Variants in CBLL1 observed in about 807,000 individuals in gnomAD.
The protein encoded by CBLL1 is Cbl proto-oncogene like 1.
CBLL1 carries 4 observed loss-of-function variants against 44.9 expected under a neutral mutation model. That is an observed-to-expected ratio of 0.09 (90% CI 0.04 to 0.20). The LOEUF is 0.20. CBLL1 is among the 10% of genes least tolerant of loss of function. The pLI is 1.00. For missense variants in CBLL1, 569 were observed against 636.7 expected, an observed-to-expected ratio of 0.89 and a Z score of 1.14; for synonymous variants, 235 against 202.2, an observed-to-expected ratio of 1.16 and a Z score of -1.38.
In CBLL1 at chr7:107,759,298, G is replaced by A. The variant is rs1793671592; in HGVS notation, c.*120G>A. ...TTATCGAGGTAGTATAAAACACATAGGGTCTTGTTTCTTAAAATGGTTTTA... is the reference window on the plus strand; with the variant it reads ...TTATCGAGGTAGTATAAAACACATAAGGTCTTGTTTCTTAAAATGGTTTTA... On this transcript the variant is annotated 3_prime_UTR_variant, in exon 6 of 6. Coordinates refer to ENST00000440859, the MANE Select transcript of CBLL1 (RefSeq NM_024814.4). The A allele has an allele frequency of 1.1e-5, 9 of 832,126 alleles. No homozygotes were observed. Among genetic ancestry groups the A allele is most frequent in the Middle Eastern group, 3.6e-4 (1 of 2,742 alleles). 51.5% of individuals were successfully genotyped at this position (832,126 alleles called of 1,614,324 possible).
Position 107,758,296 on chromosome 7 carries a change from C to A in CBLL1, c.594C>A (p.Thr198=), listed in dbSNP as rs753955659. 60 of 1,613,976 alleles carry A rather than the reference C, an allele frequency of 3.7e-5. No individual in the cohort carries two copies. The highest frequency in any genetic ancestry group is 4.9e-5 in the Non-Finnish European group (58 of 1,180,012). Residue 198 remains threonine (T), a synonymous_variant, in exon 6 of 6, where the codon ACC becomes ACA. Transcript: ENST00000440859. This position sits in a 1 kb window ranked among gnomAD's most constrained non-coding sequence, Gnocchi z 4.2. The part of the protein sequence containing the change: ...HRHMRAGKPV[T]RASLENVHPP... Reference sequence around the variant, plus strand: ...ATATGAGAGCTGGAAAACCTGTTACCCGTGCTTCACTTGAAAATGTTCATC... The same window carrying A: ...ATATGAGAGCTGGAAAACCTGTTACACGTGCTTCACTTGAAAATGTTCATC...
chr7:107,751,492 C>T (rs1293370380), intron 2 of CBLL1, among the ~76,000 whole-genome samples: 2 of 152,192 alleles, frequency 1.3e-5, no homozygotes, highest in East Asian at 1.9e-4. Context: ...GCTTTAGTTA[C>T]AACATATGTT....
At chr7:107,755,353 A>AT in intron 4 of CBLL1, 65 bp from the exon 5 acceptor site, 1 of 751,668 alleles carries the variant, frequency 1.3e-6, no homozygotes, top group Non-Finnish European at 1.9e-6. Flanking sequence ...AGGTTACTAT[A>AT]TATATATATT....
chr7:107,757,063 C>T (rs1423305182), intron 5 of CBLL1, among the ~76,000 whole-genome samples: 1 of 152,086 alleles, frequency 6.6e-6, no homozygotes, highest in African/African-American at 2.4e-5. Flanking sequence ...TAAGGAGTGC[C>T]AGCCTTATAG....
rs759217860 is a variant in CBLL1, at chr7:107,753,915, G to A, written c.303G>A (p.Lys101=). The change falls in exon 4 of 6, where the codon AAG becomes AAA. Residue 101 remains lysine (K), a synonymous_variant. Transcript: ENST00000440859. ...AACAGATAAACATCTTAGGTGAAAA[G>A]GATGATACACCAGTTCATTTCTGTG... ...WDFQINILGE[K]DDTPVHFCDK... is the part of the protein sequence containing the mutation. The A allele has an allele frequency of 1.3e-6, 2 of 1,592,464 alleles. No individual in the cohort carries two copies. The highest frequency in any genetic ancestry group is 1.1e-5 in the South Asian group (1 of 88,362).
chr7:107,752,597 G>C (rs1274754089), intron 2 of CBLL1: 1 of 1,288,358 alleles, frequency 7.8e-7, no homozygotes, highest in Non-Finnish European at 1.0e-6. Context: ...GGATATATTT[G>C]TCTGCTCAGC....
At chr7:107,752,896 T>C (rs527671833) in intron 2 of CBLL1, among the ~76,000 whole-genome samples, 1 of 152,364 alleles carries the variant, frequency 6.6e-6, no homozygotes, top group African/African-American at 2.4e-5. Flanking sequence ...TCACTCATTT[T>C]AGGGCTAAAG....
chr7:107,745,327 A>G (rs1449749461), intron 1 of CBLL1, among the ~76,000 whole-genome samples: 2 of 152,200 alleles, frequency 1.3e-5, no homozygotes. Context: ...GATCTGATGG[A>G]TGAGAAGAAC....
At chr7:107,754,074 T>C in intron 4 of CBLL1, 96 bp downstream of exon 4, 1 of 592,198 alleles carries the variant, frequency 1.7e-6, no homozygotes, top group South Asian at 3.6e-5. Flanking sequence ...ATGACTAAGT[T>C]TGCAAAATTT....
In CBLL1 at chr7:107,761,063, C is replaced by T. The variant is rs962652340; in HGVS notation, c.*1885C>T. On this transcript the variant is annotated 3_prime_UTR_variant, in exon 6 of 6. Transcript: ENST00000440859. ...TATCATATTACTGTAGGTACTTGGA[C>T]TGGTGCAAACTTGATTCCTTTTCAT... The T allele has an allele frequency of 6.6e-6, 1 of 152,168 alleles. No homozygotes were observed. Among genetic ancestry groups the T allele is most frequent in the African/African-American group, 2.4e-5 (1 of 41,430 alleles). 9.4% of individuals were successfully genotyped at this position (152,168 alleles called of 1,614,324 possible).
chr7:107,749,272 G>A (rs1793161975), intron 2 of CBLL1: 2 of 343,938 alleles, frequency 5.8e-6, no homozygotes, highest in East Asian at 9.2e-5. Context: ...CCATTGTTCA[G>A]TAATCTCAAC....
chr7:107,754,605 A>G lies in CBLL1; in HGVS notation c.366+627A>G, dbSNP rs558786708. On this transcript the variant is annotated intron_variant, in intron 4 of 5. Transcript: ENST00000440859. Reference sequence around the variant, plus strand: ...CTTTGCTGAACATCATAGTAAAGAAATAGTAACAGGCTGTGAATTTAAAAA... The same window carrying G: ...CTTTGCTGAACATCATAGTAAAGAAGTAGTAACAGGCTGTGAATTTAAAAA... Among the ~76,000 whole-genome samples, 7 of 152,328 alleles carry G rather than the reference A, an allele frequency of 4.6e-5. No individual in the cohort carries two copies. The South Asian group carries it at 8.3e-4, about 18-fold the overall frequency.
chr7:107,758,448 C>G lies in CBLL1; in HGVS notation c.746C>G (p.Pro249Arg). The G allele has an allele frequency of 6.2e-7, 1 of 1,614,142 alleles. No individual in the cohort carries two copies. The highest frequency in any genetic ancestry group is 8.5e-7 in the Non-Finnish European group (1 of 1,180,026). The change falls in exon 6 of 6, where the codon CCA becomes CGA. Residue 249 changes from proline (P) to arginine (R), a missense_variant. Around this residue, in one of 5 missense-constraint regions of CBLL1, gnomAD observed 111 missense variants for 113.0 expected, o/e 0.98. Transcript: ENST00000440859. The surrounding 1 kb of genome is among the most constrained non-coding windows in gnomAD (Gnocchi z 4.2). ...CCACCACCTCCTTTGCAACATGTGC[C>G]ACATGAGCACTATAATCAGCCACAT... ...MMPPPPLQHV[P>R]HEHYNQPHED...
chr7:107,751,066 G>A (rs1793267758), intron 2 of CBLL1, among the ~76,000 whole-genome samples: 1 of 151,824 alleles, frequency 6.6e-6, no homozygotes, highest in Admixed American at 6.6e-5. Context: ...TGTTAAAGCA[G>A]CAGTCCCTAA....
chr7:107,756,265 A>G (rs1793523087), intron 5 of CBLL1, among the ~76,000 whole-genome samples: 1 of 152,152 alleles, frequency 6.6e-6, no homozygotes. Context: ...CTATACCAAG[A>G]TTTGTGGTAT....
At chr7:107,750,795 T>C (rs1793250272) in intron 2 of CBLL1, among the ~76,000 whole-genome samples, 1 of 152,192 alleles carries the variant, frequency 6.6e-6, no homozygotes, top group African/African-American at 2.4e-5. Flanking sequence ...AACACAGCTA[T>C]GCTCATTCAT....
chr7:107,758,642 G>A lies in CBLL1; in HGVS notation c.940G>A (p.Ala314Thr), dbSNP rs777875264. The A allele has an allele frequency of 6.2e-7, 1 of 1,613,670 alleles. No individual in the cohort carries two copies. The highest frequency in any genetic ancestry group is 1.3e-5 in the African/African-American group (1 of 74,768). The stretch of plus-strand genomic sequence containing the variant: ...TAGAGAACCACCACCTCCTGCCCCA[G>A]CACCTGCTCACCATCATCCTGAATA... ...GAREPPPPAPAPAHHHPEYQG... is the reference protein window; with the variant it reads ...GAREPPPPAPTPAHHHPEYQG... The change falls in exon 6 of 6, where the codon GCA (alanine) becomes ACA (threonine). Residue 314 changes from alanine to threonine, a missense_variant. By Grantham distance (58) the Ala-to-Thr change is moderately conservative. This residue lies in a region of CBLL1 where 228 missense variants were observed against 253.2 expected (regional missense o/e 0.90). Coordinates refer to ENST00000440859, the MANE Select transcript of CBLL1 (RefSeq NM_024814.4). The surrounding 1 kb of genome is among the most constrained non-coding windows in gnomAD (Gnocchi z 4.2).
chr7:107,744,144 T>C lies in CBLL1; in HGVS notation c.-20T>C. 1 of 1,552,324 alleles carries C rather than the reference T, an allele frequency of 6.4e-7. No individual in the cohort carries two copies. The highest frequency in any genetic ancestry group is 8.7e-7 in the Non-Finnish European group (1 of 1,147,762). ...CGGCGCGGTTGACTTCCGCTCCCAC[T>C]GTGCTCTGCGAGCCGAATCATGGAT... On this transcript the variant is annotated 5_prime_UTR_variant, in exon 1 of 6. Transcript: ENST00000440859.
chr7:107,757,864 T>G (rs981003797), intron 5 of CBLL1, among the ~76,000 whole-genome samples: 1 of 152,180 alleles, frequency 6.6e-6, no homozygotes, highest in Admixed American at 6.5e-5. Flanking sequence ...TTGAGAAAAC[T>G]GGATAAATTC....
Sources: allele counts gnomAD v4.1 joint callset (sites outside exome capture counted in the v4.1 genomes callset), GRCh38; gene constraint gnomAD v4.1.1; regional missense constraint gnomAD v4.1.1; non-coding constraint Gnocchi (gnomAD v3.1); transcripts MANE v1.5; gene names NCBI Gene and HGNC (gene_info 2026-07-23, HGNC 2026-07-21).